The following MBD5 variants were observed in gnomAD, a reference collection of about 807,000 sequenced individuals.
MBD5 encodes methyl-CpG binding domain protein 5.
MBD5 carries 13 observed loss-of-function variants against 117.3 expected under a neutral mutation model. The observed-to-expected ratio is 0.11, with a 90% CI of 0.07 to 0.18. MBD5 has a LOEUF of 0.18. Among genes scored for constraint, MBD5 ranks in the 10% least tolerant of loss-of-function variants. The pLI, the probability that MBD5 is intolerant of heterozygous loss-of-function variation, is 1.00. For synonymous variants in MBD5, 727 were observed against 766.4 expected, an observed-to-expected ratio of 0.95 and a Z score of 0.85; for missense variants, 1,879 against 2,093.8, an observed-to-expected ratio of 0.90 and a Z score of 2.00.
chr2:148,318,167 A>T (rs1047297870), intron 3 of MBD5, among the ~76,000 whole-genome samples: 5 of 152,102 alleles, frequency 3.3e-5, no homozygotes. Context: ...GTAAGATGGC[A>T]TCTCATTGTG....
Position 148,339,576 on chromosome 2 carries a change from CAGT to C in MBD5, c.-679-2636_-679-2634del, listed in dbSNP as rs781729744. Reference sequence around the variant, plus strand: ...ACACATCATGCCTCCAGATTAACAACAGTACAACACACAGTCAACACTGGCCCC... The same window carrying C: ...ACACATCATGCCTCCAGATTAACAACACAACACACAGTCAACACTGGCCCC... On this transcript the variant is annotated intron_variant, in intron 3 of 13. Transcript: ENST00000642680. Among the ~76,000 whole-genome samples, 111 of 152,076 alleles carry C rather than the reference CAGT, an allele frequency of 7.3e-4. 1 individual carries two copies. The highest frequency in any genetic ancestry group is 1.8e-4 in the Non-Finnish European group (12 of 68,016).
intron 3 of MBD5, among the ~76,000 whole-genome samples, chr2:148,245,864 C>A (rs537072936): frequency 2.8e-4 from 42 of 152,282 alleles, no homozygotes; most frequent in African/African-American, 9.6e-4. Context: ...TAAGAGGATA[C>A]AGTTTTCTTG....
At chr2:148,301,338 G>T (rs2106479672) in intron 3 of MBD5, among the ~76,000 whole-genome samples, 1 of 152,298 alleles carries the variant, frequency 6.6e-6, no homozygotes. Flanking sequence ...ATGGGAAATT[G>T]TTAGAGGAAT....
chr2:148,363,782 G>A (rs144765987), intron 4 of MBD5, among the ~76,000 whole-genome samples: 7 of 152,124 alleles, frequency 4.6e-5, no homozygotes, highest in Non-Finnish European at 1.0e-4. Flanking sequence ...AAAGTGTGAA[G>A]ACTAGATTAG....
At chr2:148,095,787 C>T (rs943428797) in intron 1 of MBD5, among the ~76,000 whole-genome samples, 6 of 150,568 alleles carry the variant, frequency 4.0e-5, no homozygotes, top group South Asian at 2.1e-4. Context: ...ATGCTATGAA[C>T]GAGAAGCATT....
At chr2:148,345,989 C>A (rs1195699609) in intron 4 of MBD5, 1 of 151,822 alleles carries the variant, frequency 6.6e-6, no homozygotes, top group Non-Finnish European at 1.5e-5. Flanking sequence ...CCTTCCCCAG[C>A]CCACTGACTC....
At chr2:148,299,358 C>T (rs1254882238) in intron 3 of MBD5, among the ~76,000 whole-genome samples, 1 of 152,088 alleles carries the variant, frequency 6.6e-6, no homozygotes, top group Non-Finnish European at 1.5e-5. Context: ...GAACTCCTGG[C>T]CTCATGTGGT....
In MBD5 at chr2:148,432,167, GTCT is replaced by G. The variant is rs542827185; in HGVS notation, c.-556-26029_-556-26027del. On this transcript the variant is annotated intron_variant, in intron 4 of 13. Transcript: ENST00000642680. ...TCATGTGCTTGTTGGCTGCATATATGTCTTCTTCTGCAAAATGTCTCTTAATGT... is the reference window on the plus strand; with the variant it reads ...TCATGTGCTTGTTGGCTGCATATATGTCTTCTGCAAAATGTCTCTTAATGT... Among the ~76,000 whole-genome samples, 159 of 152,190 alleles carry G rather than the reference GTCT, an allele frequency of 1.0e-3. 1 individual carries two copies. Among genetic ancestry groups the G allele is most frequent in the African/African-American group, 3.3e-3 (139 of 41,530 alleles).
chr2:148,506,797 A>G (rs577415211), intron 12 of MBD5, among the ~76,000 whole-genome samples: 1 of 152,342 alleles, frequency 6.6e-6, no homozygotes, highest in African/African-American at 2.4e-5. Flanking sequence ...AAAAATGTTT[A>G]TTATTAAATG....
chr2:148,504,511 T>C (rs1229014159), intron 12 of MBD5, among the ~76,000 whole-genome samples: 1 of 152,174 alleles, frequency 6.6e-6, no homozygotes, highest in African/African-American at 2.4e-5. Flanking sequence ...TTATTCCCAA[T>C]TTAAGAAGAC....
At chr2:148,069,489 A>G (rs113269791) in intron 1 of MBD5, among the ~76,000 whole-genome samples, 10 of 152,008 alleles carry the variant, frequency 6.6e-5, no homozygotes, top group African/African-American at 2.2e-4. Context: ...TCATACAGCT[A>G]TTGCTTTTTT....
At chr2:148,232,734 ATATTT>A (rs1275439164) in intron 2 of MBD5, among the ~76,000 whole-genome samples, 1 of 151,162 alleles carries the variant, frequency 6.6e-6, no homozygotes, top group African/African-American at 2.4e-5. Context: ...GTCCTATATT[ATATTT>A]TAACAAAATA....
At chr2:148,042,936 T>G in intron 1 of MBD5, among the ~76,000 whole-genome samples, 1 of 152,162 alleles carries the variant, frequency 6.6e-6, no homozygotes, top group East Asian at 1.9e-4. Flanking sequence ...TTAGCTCCCT[T>G]TGAAAATCTG....
chr2:148,353,477 A>G (rs1260439235), intron 4 of MBD5, among the ~76,000 whole-genome samples: 3 of 152,060 alleles, frequency 2.0e-5, no homozygotes, highest in Non-Finnish European at 2.9e-5. Flanking sequence ...CATTTTTTAG[A>G]CATCATATAT....
chr2:148,317,160 C>T (rs776050211), intron 3 of MBD5, among the ~76,000 whole-genome samples: 5 of 152,030 alleles, frequency 3.3e-5, no homozygotes, highest in Non-Finnish European at 7.4e-5. Context: ...ACCAGCCTGA[C>T]CAATATGGAG....
chr2:148,063,660 A>AT (rs1186231911), intron 1 of MBD5, among the ~76,000 whole-genome samples: 1 of 151,872 alleles, frequency 6.6e-6, no homozygotes, highest in Non-Finnish European at 1.5e-5. Flanking sequence ...TCACTTATTT[A>AT]TTTTTTTAAG....
intron 2 of MBD5, among the ~76,000 whole-genome samples, chr2:148,180,748 C>T (rs911881648): frequency 6.6e-6 from 1 of 152,022 alleles, no homozygotes; most frequent in African/African-American, 2.4e-5. Flanking sequence ...TAATCACACT[C>T]TTAGGTCCAT....
chr2:148,283,246 T>C (rs927848287), intron 3 of MBD5, among the ~76,000 whole-genome samples: 7 of 152,170 alleles, frequency 4.6e-5, no homozygotes, highest in African/African-American at 1.7e-4. Flanking sequence ...CATATTTACA[T>C]AGTCATATGG....
intron 4 of MBD5, among the ~76,000 whole-genome samples, chr2:148,441,968 G>A (rs982752946): frequency 1.3e-4 from 19 of 151,936 alleles, no homozygotes; most frequent in Non-Finnish European, 2.2e-4. Flanking sequence ...TTTTTTTCTT[G>A]TAAATTTGTT....
Sources: gnomAD v4.1 joint callset for allele counts (sites outside exome capture counted in the v4.1 genomes callset) on GRCh38, gnomAD v4.1.1 for gene constraint, MANE v1.5 for transcripts, NCBI Gene and HGNC (gene_info 2026-07-23, HGNC 2026-07-21) for gene names.